Variants in GALNTL6 observed in about 807,000 individuals in gnomAD.
The protein encoded by GALNTL6 is polypeptide N-acetylgalactosaminyltransferase like 6.
In GALNTL6, 46 loss-of-function variants were observed where a neutral mutation model predicts 73.7. The ratio of observed to expected loss-of-function variants is 0.62; its 90% CI spans 0.49 to 0.80. GALNTL6 has a LOEUF of 0.80. Ranked by LOEUF, GALNTL6 falls within the 30% of genes least tolerant of loss-of-function variation. The probability of loss-of-function intolerance (pLI) is 0.00; values close to 1 mark genes in which losing one functional copy is unlikely to be tolerated. For missense variants in GALNTL6, 604 were observed against 755.0 expected (o/e 0.80, Z 2.34); for synonymous variants, 259 against 263.7 (o/e 0.98, Z 0.17).
intron 5 of GALNTL6, among the ~76,000 whole-genome samples, chr4:172,592,333 C>G (rs1027431249): frequency 6.6e-6 from 1 of 152,146 alleles, no homozygotes; most frequent in Non-Finnish European, 1.5e-5. Context: ...CCTTTTACTA[C>G]CTGAGAAATA....
intron 7 of GALNTL6, among the ~76,000 whole-genome samples, chr4:172,849,028 A>G (rs760252052): frequency 9.9e-5 from 15 of 152,254 alleles, no homozygotes; most frequent in Admixed American, 7.9e-4. Flanking sequence ...ACCAAGAAAT[A>G]CTGTTGGGTG....
At chr4:173,018,705 G>A (rs746246101) in intron 11 of GALNTL6, among the ~76,000 whole-genome samples, 1 of 152,194 alleles carries the variant, frequency 6.6e-6, no homozygotes, top group Non-Finnish European at 1.5e-5. Context: ...AGGGATTTAC[G>A]TGAACACGGC....
intron 8 of GALNTL6, among the ~76,000 whole-genome samples, chr4:172,923,775 G>C (rs1451386700): frequency 6.6e-6 from 1 of 152,152 alleles, no homozygotes; most frequent in Non-Finnish European, 1.5e-5. Context: ...TGGAAGGCAA[G>C]GAGGAGCAAG....
At chr4:172,164,027 T>G (rs1407156254) in intron 2 of GALNTL6, among the ~76,000 whole-genome samples, 1 of 151,952 alleles carries the variant, frequency 6.6e-6, no homozygotes, top group Non-Finnish European at 1.5e-5. Flanking sequence ...ATAAGGAACT[T>G]CAGGGAATGG....
intron 3 of GALNTL6, among the ~76,000 whole-genome samples, chr4:172,245,113 T>C (rs574313580): frequency 2.6e-5 from 4 of 152,284 alleles, no homozygotes; most frequent in African/African-American, 9.6e-5. Context: ...TTGAGTACAC[T>C]AAGATTAAAT....
chr4:172,980,885 A>T (rs867657837), intron 10 of GALNTL6, among the ~76,000 whole-genome samples: 2 of 152,232 alleles, frequency 1.3e-5, no homozygotes, highest in African/African-American at 4.8e-5. Flanking sequence ...AGTAACTTCC[A>T]TTCTACTTTT....
intron 5 of GALNTL6, among the ~76,000 whole-genome samples, chr4:172,407,723 T>A (rs1744288316): frequency 6.6e-6 from 1 of 152,032 alleles, no homozygotes; most frequent in Non-Finnish European, 1.5e-5. Context: ...ACATTTGACT[T>A]TACTTGAAGT....
intron 5 of GALNTL6, among the ~76,000 whole-genome samples, chr4:172,589,126 A>G (rs1314922463): frequency 6.6e-6 from 1 of 152,168 alleles, no homozygotes; most frequent in Non-Finnish European, 1.5e-5. Context: ...CCATAATGGG[A>G]AAATAGGAGA....
chr4:172,160,911 T>TAC (rs141929757), intron 2 of GALNTL6, among the ~76,000 whole-genome samples: 4,361 of 66,228 alleles, frequency 0.066, 189 homozygotes, highest in African/African-American at 0.24. Flanking sequence ...CACACACACA[T>TAC]ACACACACAC....
At chr4:171,946,299 G>A (rs1738700520) in intron 2 of GALNTL6, among the ~76,000 whole-genome samples, 1 of 152,114 alleles carries the variant, frequency 6.6e-6, no homozygotes, top group African/African-American at 2.4e-5. Flanking sequence ...ATAATAAAAA[G>A]TTAAGTCAGT....
chr4:172,428,544 C>T (rs1040373342), intron 5 of GALNTL6, among the ~76,000 whole-genome samples: 2 of 152,156 alleles, frequency 1.3e-5, no homozygotes, highest in Non-Finnish European at 2.9e-5. Context: ...GAAGGGCAAG[C>T]AGAGGCTAAT....
rs1284452002 is a variant in GALNTL6, at chr4:171,966,380, T to G, written c.138+151662T>G. 2.6e-5 allele frequency among the ~76,000 whole-genome samples: 4 copies of G among 151,862 alleles called. No homozygotes were observed. In the East Asian group the frequency reaches 5.8e-4, roughly 22 times the overall value. The stretch of plus-strand genomic sequence containing the variant: ...AGAATTGAGTCTTGGTGAATGAGAG[T>G]GGGGATGGACATAGCCGCAGACAGG... On this transcript the variant is annotated intron_variant, in intron 2 of 12. Transcript: ENST00000506823.
intron 5 of GALNTL6, among the ~76,000 whole-genome samples, chr4:172,462,181 T>A (rs13435174): frequency 0.69 from 103,261 of 150,444 alleles, 35,248 homozygotes; most frequent in South Asian, 0.82. Flanking sequence ...TTTTCATAAT[T>A]CTCCAGCTTG....
intron 5 of GALNTL6, among the ~76,000 whole-genome samples, chr4:172,356,067 A>G (rs1742144548): frequency 6.6e-6 from 1 of 152,086 alleles, no homozygotes; most frequent in African/African-American, 2.4e-5. Context: ...ACATGGCTGA[A>G]TTAATATGGG....
At chr4:172,481,008 T>G (rs1733441475) in intron 5 of GALNTL6, among the ~76,000 whole-genome samples, 1 of 152,112 alleles carries the variant, frequency 6.6e-6, no homozygotes. Context: ...CCAAAATTGG[T>G]GGGTTCTTGG....
intron 5 of GALNTL6, among the ~76,000 whole-genome samples, chr4:172,760,588 A>C: frequency 6.6e-6 from 1 of 152,220 alleles, no homozygotes; most frequent in South Asian, 2.1e-4. Context: ...CTGCTTCTCT[A>C]CAACTGCCCC....
At chr4:172,562,472 C>G (rs906714313) in intron 5 of GALNTL6, among the ~76,000 whole-genome samples, 3 of 152,344 alleles carry the variant, frequency 2.0e-5, no homozygotes, top group African/African-American at 7.2e-5. Flanking sequence ...CCCCCTTAGT[C>G]TCCATGCACA....
chr4:172,011,035 C>G (rs1421419301), intron 2 of GALNTL6, among the ~76,000 whole-genome samples: 1 of 151,988 alleles, frequency 6.6e-6, no homozygotes. Context: ...CAATATTTGT[C>G]AAATGTATAC....
chr4:172,705,221 T>TTTG lies in GALNTL6; in HGVS notation c.554-104137_554-104135dup, dbSNP rs199503742. Among the ~76,000 whole-genome samples the TTTG allele has an allele frequency of 6.2e-4, 92 of 147,468 alleles. 1 individual carries two copies. The East Asian group carries it at 0.018, about 29-fold the overall frequency. ...AAGGACTTACTACTGCTATTTTTTT[T>TTTG]TTGTTTTATGGTTGTTTTGTAGCTC... On this transcript the variant is annotated intron_variant, in intron 5 of 12. Coordinates refer to ENST00000506823, the MANE Select transcript of GALNTL6 (RefSeq NM_001034845.3).
Sources: allele counts gnomAD v4.1 joint callset (sites outside exome capture counted in the v4.1 genomes callset), GRCh38; gene constraint gnomAD v4.1.1; transcripts MANE v1.5; gene names NCBI Gene and HGNC (gene_info 2026-07-23, HGNC 2026-07-21).